The following PIGL variants were observed in gnomAD, a reference collection of about 807,000 sequenced individuals.
PIGL encodes the protein phosphatidylinositol glycan anchor biosynthesis class L.
PIGL carries 22 observed loss-of-function variants against 31.1 expected under a neutral mutation model. That is an observed-to-expected ratio of 0.71 (90% CI 0.51 to 1.01). The LOEUF (loss-of-function observed/expected upper bound fraction) is 1.01. PIGL is among the 50% of genes least tolerant of loss of function. The pLI is 0.00. For missense variants in PIGL, 302 were observed against 315.9 expected (o/e 0.96, Z 0.33); for synonymous variants, 131 against 117.4 (o/e 1.12, Z -0.75).
At chr17:16,273,586 T>A (rs1228353412) in intron 2 of PIGL, among the ~76,000 whole-genome samples, 1 of 151,304 alleles carries the variant, frequency 6.6e-6, no homozygotes, top group Admixed American at 6.6e-5. Context: ...ACGTGAGAAA[T>A]CAGAGTCAGA....
chr17:16,309,256 C>A (rs2093038407), intron 3 of PIGL, among the ~76,000 whole-genome samples: 1 of 152,124 alleles, frequency 6.6e-6, no homozygotes, highest in African/African-American at 2.4e-5. Context: ...CATGCCACTG[C>A]ACTATAGCCT....
At chr17:16,267,144 C>A (rs1216992169) in intron 2 of PIGL, among the ~76,000 whole-genome samples, 1 of 152,146 alleles carries the variant, frequency 6.6e-6, no homozygotes, top group African/African-American at 2.4e-5. Flanking sequence ...ATAACCTAAA[C>A]AATTAACACA....
intron 2 of PIGL, among the ~76,000 whole-genome samples, chr17:16,258,628 G>A (rs141430419): frequency 0.05 from 7,639 of 151,764 alleles, 238 homozygotes; most frequent in African/African-American, 0.096. Context: ...CTCAGCCTCC[G>A]GAGTAGCTAG....
At chr17:16,265,126 C>T (rs889141551) in intron 2 of PIGL, among the ~76,000 whole-genome samples, 2 of 152,064 alleles carry the variant, frequency 1.3e-5, no homozygotes, top group South Asian at 2.1e-4. Context: ...AGGGAAGTGA[C>T]ACTGTGTCAT....
At chr17:16,314,007 C>T (rs752281213) in intron 4 of PIGL, among the ~76,000 whole-genome samples, 1 of 152,216 alleles carries the variant, frequency 6.6e-6, no homozygotes, top group Non-Finnish European at 1.5e-5. Context: ...TCACCATCTT[C>T]TTCCCCTTAC....
intron 2 of PIGL, chr17:16,282,042 T>C: frequency 3.8e-6 from 2 of 520,442 alleles, no homozygotes; most frequent in South Asian, 2.9e-5. Flanking sequence ...ATCAGGACTG[T>C]AACTCACCAT....
At chr17:16,325,332 C>CAAAAAA (rs55958956) in intron 6 of PIGL, among the ~76,000 whole-genome samples, 4 of 69,278 alleles carry the variant, frequency 5.8e-5, no homozygotes, top group African/African-American at 1.8e-4. Flanking sequence ...GCAACAGGCT[C>CAAAAAA]AAAAAAAAAA....
chr17:16,319,689 A>AGGT (rs2093094586), intron 6 of PIGL, among the ~76,000 whole-genome samples: 1 of 149,852 alleles, frequency 6.7e-6, no homozygotes, highest in African/African-American at 2.5e-5. Flanking sequence ...CGGGAGGCGG[A>AGGT]GGTTGCAGTG....
intron 2 of PIGL, among the ~76,000 whole-genome samples, chr17:16,270,732 A>G (rs2092867995): frequency 6.6e-6 from 1 of 152,002 alleles, no homozygotes; most frequent in South Asian, 2.1e-4. Context: ...CCCCATCTCT[A>G]CTAAAAATAC....
At chr17:16,245,816 A>ATTT (rs200265120) in intron 2 of PIGL, among the ~76,000 whole-genome samples, 1,401 of 105,436 alleles carry the variant, frequency 0.013, 37 homozygotes, top group African/African-American at 0.054. Context: ...ATATATATAT[A>ATTT]TATATTTTTT....
chr17:16,322,501 T>C (rs1046052873), intron 6 of PIGL, among the ~76,000 whole-genome samples: 1 of 152,242 alleles, frequency 6.6e-6, no homozygotes, highest in African/African-American at 2.4e-5. Context: ...AGTGTTTCTT[T>C]AGCTACACAT....
At chr17:16,295,110 T>C (rs1490073521) in intron 2 of PIGL, among the ~76,000 whole-genome samples, 2 of 152,152 alleles carry the variant, frequency 1.3e-5, no homozygotes, top group East Asian at 1.9e-4. Context: ...GGACTTATGA[T>C]AGGTTGGAGA....
intron 6 of PIGL, among the ~76,000 whole-genome samples, chr17:16,320,431 G>A (rs1568848331): frequency 8.6e-6 from 1 of 116,472 alleles, no homozygotes; most frequent in East Asian, 2.8e-4. Context: ...AAGGAAGGGA[G>A]GGAGGGAAGG....
chr17:16,270,847 C>T lies in PIGL; in HGVS notation c.336-29041C>T, dbSNP rs561905664. Among the ~76,000 whole-genome samples the T allele has an allele frequency of 4.6e-5, 7 of 151,428 alleles. No individual in the cohort carries two copies. In the South Asian group the frequency reaches 1.3e-3, roughly 27 times the overall value. ...GGCAGAGGTTGCAGTGAGCCGAGATCGCGCAACTGCATTCCAGCCTGTGCG... is the reference window on the plus strand; with the variant it reads ...GGCAGAGGTTGCAGTGAGCCGAGATTGCGCAACTGCATTCCAGCCTGTGCG... On this transcript the variant is annotated intron_variant, in intron 2 of 6. Coordinates refer to ENST00000225609, the MANE Select transcript of PIGL (RefSeq NM_004278.4).
chr17:16,244,700 G>C (rs1317230288), intron 2 of PIGL, among the ~76,000 whole-genome samples: 1 of 151,896 alleles, frequency 6.6e-6, no homozygotes, highest in East Asian at 1.9e-4. Flanking sequence ...TTTGAGACAG[G>C]GTCTCACTCT....
At chr17:16,324,107 C>T (rs1366155435) in intron 6 of PIGL, among the ~76,000 whole-genome samples, 2 of 151,374 alleles carry the variant, frequency 1.3e-5, no homozygotes, top group Non-Finnish European at 2.9e-5. Flanking sequence ...CAGGCGTGCA[C>T]CACCATGCCC....
intron 1 of PIGL, among the ~76,000 whole-genome samples, chr17:16,221,532 C>G (rs1316799257): frequency 6.6e-6 from 1 of 151,840 alleles, no homozygotes; most frequent in Non-Finnish European, 1.5e-5. Context: ...TCACTGCAAC[C>G]TCTGCCTCCT....
chr17:16,266,979 A>C lies in PIGL; in HGVS notation c.335+32909A>C, dbSNP rs979788282. Reference sequence around the variant, plus strand: ...TCTCTGAATTATTCCAAACAGCACCATCCCAGCAATTCCTTTTAATTGTTT... The same window carrying C: ...TCTCTGAATTATTCCAAACAGCACCCTCCCAGCAATTCCTTTTAATTGTTT... On this transcript the variant is annotated intron_variant, in intron 2 of 6. Coordinates refer to ENST00000225609, the MANE Select transcript of PIGL (RefSeq NM_004278.4). Among the ~76,000 whole-genome samples the C allele has an allele frequency of 4.0e-5, 6 of 151,158 alleles. No individual in the cohort carries two copies. The Admixed American group carries it at 4.0e-4, about 10-fold the overall frequency.
chr17:16,269,281 G>T (rs1359974658), intron 2 of PIGL, among the ~76,000 whole-genome samples: 1 of 152,214 alleles, frequency 6.6e-6, no homozygotes, highest in Admixed American at 6.5e-5. Context: ...TACATGGCCA[G>T]TCTCCATCCA....
Sources: gnomAD v4.1 joint callset for allele counts (sites outside exome capture counted in the v4.1 genomes callset) on GRCh38, gnomAD v4.1.1 for gene constraint, MANE v1.5 for transcripts, NCBI Gene and HGNC (gene_info 2026-07-23, HGNC 2026-07-21) for gene names.